The following DST variants were observed in gnomAD, a reference collection of about 807,000 sequenced individuals.
DST encodes the protein bullous pemphigoid antigen.
In DST, 253 loss-of-function variants were observed where a neutral mutation model predicts 875.2. The ratio of observed to expected loss-of-function variants is 0.29; its 90% confidence interval spans 0.26 to 0.32. The LOEUF (loss-of-function observed/expected upper bound fraction) is 0.32, where lower values mean the gene tolerates loss of function less well. Among genes scored for constraint, DST ranks in the 10% least tolerant of loss-of-function variants. DST has a pLI of 1.00. For missense variants in DST, 8,287 were observed against 9,111.6 expected, an observed-to-expected ratio of 0.91 and a Z score of 3.68; for synonymous variants, 3,124 against 3,197.1, an observed-to-expected ratio of 0.98 and a Z score of 0.77.
At chr6:56,614,313 C>A in intron 37 of DST, 43 bp downstream of exon 37, 1 of 1,528,874 alleles carries the variant, frequency 6.5e-7, no homozygotes, top group Non-Finnish European at 8.8e-7. Context: ...AGTTAACGTC[C>A]CTGCTATTAT....
At chr6:56,846,713 G>A (rs2099807553) in intron 4 of DST, among the ~76,000 whole-genome samples, 1 of 152,164 alleles carries the variant, frequency 6.6e-6, no homozygotes, top group Non-Finnish European at 1.5e-5. Flanking sequence ...GACTAAAAAT[G>A]TGAAGTTGGG....
At position 56,762,556 on chromosome 6, in the gene DST, T is replaced by C. The variant is rs1378221856; in HGVS notation, c.626-27267A>G. On this transcript the variant is annotated intron_variant, in intron 4 of 103. Transcript: ENST00000680361. The stretch of plus-strand genomic sequence containing the variant: ...TGCACTTCTGCCTCCCTTTCTTAAC[T>C]ATATACTTCTTTAAAGACAAGAATG... 3.3e-5 allele frequency among the ~76,000 whole-genome samples: 5 copies of C among 152,216 alleles called. No homozygotes were observed. The East Asian group carries it at 9.6e-4, about 29-fold the overall frequency.
chr6:56,459,724 T>G lies in DST; in HGVS notation c.23194+407A>C, dbSNP rs1234748801. On this transcript the variant is annotated intron_variant, in intron 103 of 103. Transcript: ENST00000680361. ...AACTTTAAAGAGGCTTCTTGCTTGCTGAGCTCAGAACCCAGAGATTAGTAG... is the reference window on the plus strand; with the variant it reads ...AACTTTAAAGAGGCTTCTTGCTTGCGGAGCTCAGAACCCAGAGATTAGTAG... 3.3e-5 allele frequency among the ~76,000 whole-genome samples: 5 copies of G among 152,216 alleles called. No homozygotes were observed. In the East Asian group the frequency reaches 9.6e-4, roughly 29 times the overall value.
chr6:56,558,181 A>G (rs2097460173), intron 58 of DST, among the ~76,000 whole-genome samples: 1 of 152,126 alleles, frequency 6.6e-6, no homozygotes, highest in Admixed American at 6.6e-5. Flanking sequence ...AAAACCTTAA[A>G]GCCCTCCTTT....
In DST at chr6:56,834,155, A is replaced by T. The variant is rs186571185; in HGVS notation, c.625+17242T>A. On this transcript the variant is annotated intron_variant, in intron 4 of 103. Transcript: ENST00000680361. ...AGGCAGGAGGAGCTGCTGAGACACA[A>T]GTTCATGGTTACAGTGAGTTATGAT... Among the ~76,000 whole-genome samples, 3 of 152,002 alleles carry T rather than the reference A, an allele frequency of 2.0e-5. No individual in the cohort carries two copies. In the East Asian group the frequency reaches 5.8e-4, roughly 30 times the overall value.
At position 56,616,982 on chromosome 6, in the gene DST, A is replaced by G. The variant is rs772176534; in HGVS notation, c.4930-2498T>C. The G allele has an allele frequency of 6.8e-6, 11 of 1,609,242 alleles. No homozygotes were observed. In the East Asian group the frequency reaches 1.8e-4, roughly 26 times the overall value. On this transcript the variant is annotated intron_variant, in intron 36 of 103. Coordinates refer to ENST00000680361, the MANE Select transcript of DST (RefSeq NM_001374736.1). ...AAATGCCAAAGCCACCATTTTGTCT[A>G]TTATGATTCTCTCGGCCGCTGAGGC... is the stretch of plus-strand genomic sequence containing the variant.
At chr6:56,877,958 C>T (rs1780266567) in intron 3 of DST, among the ~76,000 whole-genome samples, 1 of 152,130 alleles carries the variant, frequency 6.6e-6, no homozygotes, top group Non-Finnish European at 1.5e-5. Context: ...GTTGAACTCA[C>T]ATAATACATC....
At chr6:56,596,003 TTTCTTTTA>T (rs1158890308) in intron 47 of DST, among the ~76,000 whole-genome samples, 1 of 105,120 alleles carries the variant, frequency 9.5e-6, no homozygotes, top group African/African-American at 3.3e-5. Flanking sequence ...TAGGACTTTC[TTTCTTTTA>T]TTTATTTATT....
At chr6:56,636,436 A>ATG (rs897395633) in intron 23 of DST, 121 bp downstream of exon 23, 68 of 723,372 alleles carry the variant, frequency 9.4e-5, no homozygotes, top group Middle Eastern at 7.9e-4. Flanking sequence ...GTATATATAT[A>ATG]TGTGTGTATA....
chr6:56,868,774 T>C (rs943423069), intron 3 of DST, among the ~76,000 whole-genome samples: 6 of 152,216 alleles, frequency 3.9e-5, no homozygotes, highest in African/African-American at 1.4e-4. Context: ...AACTCCAAAT[T>C]ATAACAAAAC....
intron 4 of DST, among the ~76,000 whole-genome samples, chr6:56,849,865 T>C (rs988993963): frequency 2.6e-5 from 4 of 152,140 alleles, no homozygotes; most frequent in Non-Finnish European, 5.9e-5. Flanking sequence ...ATAGAACAGG[T>C]ATCCCATTTT....
At chr6:56,559,233 G>GT (rs2097491832) in intron 58 of DST, among the ~76,000 whole-genome samples, 1 of 152,028 alleles carries the variant, frequency 6.6e-6, no homozygotes, top group African/African-American at 2.4e-5. Flanking sequence ...CATCCAGAAG[G>GT]TTTTTTGAAC....
At chr6:56,489,408 T>C in intron 86 of DST, 82 bp downstream of exon 86, 4 of 1,398,306 alleles carry the variant, frequency 2.9e-6, no homozygotes, top group Non-Finnish European at 3.8e-6. Flanking sequence ...TAGTGATGAA[T>C]AAACACGTGA....
chr6:56,462,831 G>C (rs1247115396), intron 102 of DST, among the ~76,000 whole-genome samples: 8 of 152,192 alleles, frequency 5.3e-5, no homozygotes, highest in Admixed American at 5.2e-4. Flanking sequence ...GGGTCAAATT[G>C]ACACTGTTTA....
intron 4 of DST, among the ~76,000 whole-genome samples, chr6:56,774,581 T>C (rs2099674190): frequency 6.6e-6 from 1 of 152,254 alleles, no homozygotes; most frequent in South Asian, 2.1e-4. Flanking sequence ...ATTTATATTG[T>C]TCACTAACTA....
chr6:56,774,475 G>A (rs1468958415), intron 4 of DST, among the ~76,000 whole-genome samples: 1 of 152,140 alleles, frequency 6.6e-6, no homozygotes. Flanking sequence ...CAACAGTCAA[G>A]ATATTCATTT....
chr6:56,562,932 G>A (rs2097564385), intron 55 of DST, among the ~76,000 whole-genome samples: 1 of 152,030 alleles, frequency 6.6e-6, no homozygotes. Flanking sequence ...CCTTTTTTAT[G>A]GCTGCATAGT....
At chr6:56,897,427 T>C (rs980565373) in intron 3 of DST, among the ~76,000 whole-genome samples, 4 of 151,988 alleles carry the variant, frequency 2.6e-5, no homozygotes, top group African/African-American at 9.7e-5. Context: ...CACCTCCTGG[T>C]TCAAGCGATT....
chr6:56,929,356 G>A (rs13209289), intron 2 of DST, among the ~76,000 whole-genome samples: 6,262 of 152,136 alleles, frequency 0.041, 161 homozygotes, highest in Non-Finnish European at 0.054. Flanking sequence ...ATGTTCATGC[G>A]TTCAATAGAA....
Sources: gnomAD v4.1 joint callset for allele counts (sites outside exome capture counted in the v4.1 genomes callset) on GRCh38, gnomAD v4.1.1 for gene constraint, MANE v1.5 for transcripts, NCBI Gene and HGNC (gene_info 2026-07-23, HGNC 2026-07-21) for gene names.